The following ZNF26 variants were observed in gnomAD, a reference collection of about 807,000 sequenced individuals.
ZNF26 encodes zinc finger protein 26, also known as epididymis luminal protein 179.
A neutral mutation model predicts 54.9 loss-of-function variants in ZNF26; 32 were observed. The ratio of observed to expected loss-of-function variants is 0.58; its 90% CI spans 0.44 to 0.78. The LOEUF is 0.78. Ranked by LOEUF, ZNF26 falls within the 30% of genes least tolerant of loss-of-function variation. The pLI, the probability that ZNF26 is intolerant of heterozygous loss-of-function variation, is 0.00. For missense variants in ZNF26, 524 were observed against 634.0 expected (o/e 0.83, Z 1.86); for synonymous variants, 221 against 209.2 (o/e 1.06, Z -0.49).
At chr12:132,989,106 G>A (rs1259918051) in intron 1 of ZNF26, among the ~76,000 whole-genome samples, 2 of 129,168 alleles carry the variant, frequency 1.5e-5, no homozygotes, top group South Asian at 2.5e-4. Context: ...GCACAATCTC[G>A]GCTCACTGCA....
rs1953534600 is a variant in ZNF26 at position 133,014,424 on chromosome 12, G to GT, written c.*2944dup. On this transcript the variant is annotated 3_prime_UTR_variant, in exon 4 of 4. Coordinates refer to ENST00000328654, the MANE Select transcript of ZNF26 (RefSeq NM_019591.4). ...CTCAAAAAAAAAGTTGGGGGAGGGG[G>GT]TAGATACTTGTGAAATCCTTTGAGG... is the stretch of plus-strand genomic sequence containing the variant. 6.6e-6 allele frequency: 1 copy of GT among 152,648 alleles called. No homozygotes were observed. The highest frequency in any genetic ancestry group is 1.5e-5 in the Non-Finnish European group (1 of 68,524). 9.5% of individuals were successfully genotyped at this position (152,648 alleles called of 1,614,324 possible).
Position 132,993,150 on chromosome 12 carries a change from G to A in ZNF26, c.33+6277G>A, listed in dbSNP as rs1267395900. Among the ~76,000 whole-genome samples the A allele has an allele frequency of 2.0e-5, 3 of 150,376 alleles. No individual in the cohort carries two copies. In the East Asian group the frequency reaches 5.9e-4, roughly 30 times the overall value. ...AGCCATTCTTGTGCCTCAGCCTCCT[G>A]AGTAGCTGGGACTACAGGTGCGCAC... On this transcript the variant is annotated intron_variant, in intron 1 of 3. Transcript: ENST00000328654.
Position 132,986,749 on chromosome 12 carries a change from C to G in ZNF26, c.-92C>G. Reference sequence around the variant, plus strand: ...GGTCAGGAGCCTGGGGCCCTGGTCCCGCACCTGTCTTCGGGCGGACGCATC... The same window carrying G: ...GGTCAGGAGCCTGGGGCCCTGGTCCGGCACCTGTCTTCGGGCGGACGCATC... On this transcript the variant is annotated 5_prime_UTR_variant, in exon 1 of 4. Transcript: ENST00000328654. 2 of 1,428,738 alleles carry G rather than the reference C, an allele frequency of 1.4e-6. No homozygotes were observed. Among genetic ancestry groups the G allele is most frequent in the Non-Finnish European group, 1.9e-6 (2 of 1,044,608 alleles). The allele number at this position is 1,428,738 out of a possible 1,614,324, so 88.5% of individuals were successfully genotyped here.
Position 133,001,329 on chromosome 12 carries a change from G to T in ZNF26, c.34-5713G>T, listed in dbSNP as rs1953214704. Reference sequence around the variant, plus strand: ...AGCTCTTGTACCTCCCCTCATTCTAGCCTGCAGAGGGGAGATGGAGGAGGC... The same window carrying T: ...AGCTCTTGTACCTCCCCTCATTCTATCCTGCAGAGGGGAGATGGAGGAGGC... On this transcript the variant is annotated intron_variant, in intron 1 of 3. Transcript: ENST00000328654. The surrounding 1 kb of genome is among the most constrained non-coding windows in gnomAD (Gnocchi z 4.7). 6.6e-6 allele frequency among the ~76,000 whole-genome samples: 1 copy of T among 152,152 alleles called. No homozygotes were observed. Among genetic ancestry groups the T allele is most frequent in the East Asian group, 1.9e-4 (1 of 5,182 alleles).
At chr12:132,987,956 T>C (rs4758926) in intron 1 of ZNF26, among the ~76,000 whole-genome samples, 72,865 of 152,146 alleles carry the variant, frequency 0.48, 19,037 homozygotes, top group East Asian at 0.76. Flanking sequence ...CTATTTGTTG[T>C]TTCACTAATA....
intron 3 of ZNF26, among the ~76,000 whole-genome samples, chr12:133,008,085 C>A (rs1391496507): frequency 1.3e-5 from 2 of 152,114 alleles, no homozygotes; most frequent in African/African-American, 4.8e-5. Context: ...AAAGGCTCTT[C>A]CGTTCCGAAG....
chr12:132,993,782 T>C (rs2137219435), intron 1 of ZNF26, among the ~76,000 whole-genome samples: 1 of 152,248 alleles, frequency 6.6e-6, no homozygotes, highest in Non-Finnish European at 1.5e-5. Flanking sequence ...CCTTTTAGTA[T>C]TGCCTTGTCC....
chr12:133,021,197 C>A lies in ZNF26; in HGVS notation c.*9716C>A, dbSNP rs993695141. 1.9e-4 allele frequency: 29 copies of A among 150,312 alleles called. No individual in the cohort carries two copies. The highest frequency in any genetic ancestry group is 6.6e-4 in the African/African-American group (27 of 40,836). The allele number at this position is 150,312 out of a possible 1,614,324, so 9.3% of individuals were successfully genotyped here. On this transcript the variant is annotated 3_prime_UTR_variant, in exon 4 of 4. Coordinates refer to ENST00000328654, the MANE Select transcript of ZNF26 (RefSeq NM_019591.4). ...GCAGTGGCACCGTGTCGGCTCACTG[C>A]AACCTCTGCCTCCCGGGTTCAAGTG...
rs1953216409 is a variant in ZNF26, at chr12:133,001,403, C to T, written c.34-5639C>T. Among the ~76,000 whole-genome samples the T allele has an allele frequency of 6.6e-6, 1 of 152,168 alleles. No homozygotes were observed. The highest frequency in any genetic ancestry group is 1.9e-4 in the East Asian group (1 of 5,188). On this transcript the variant is annotated intron_variant, in intron 1 of 3. Transcript: ENST00000328654. This position sits in a 1 kb window ranked among gnomAD's most constrained non-coding sequence, Gnocchi z 4.7. ...ACTTGTTGCCCTCCGACGGGGGCTC[C>T]TTCTGGGTTGGGGTGGGAAAATCAG...
Position 132,986,589 on chromosome 12 carries a change from T to A in ZNF26, c.-252T>A, listed in dbSNP as rs937243316. ...CAGATCAGCCTCCTGCTCTCCCGAG[T>A]CAGGGCCACGGAAAGGCACAAATCC... is the stretch of plus-strand genomic sequence containing the variant. On this transcript the variant is annotated 5_prime_UTR_variant, in exon 1 of 4. Coordinates refer to ENST00000328654, the MANE Select transcript of ZNF26 (RefSeq NM_019591.4). 1.9e-5 allele frequency: 11 copies of A among 575,632 alleles called. No individual in the cohort carries two copies. The highest frequency in any genetic ancestry group is 3.4e-5 in the Non-Finnish European group (11 of 321,414). The allele number at this position is 575,632 out of a possible 1,614,324, so 35.7% of individuals were successfully genotyped here.
intron 1 of ZNF26, among the ~76,000 whole-genome samples, chr12:133,003,620 G>A (rs1953266104): frequency 6.6e-6 from 1 of 152,158 alleles, no homozygotes; most frequent in East Asian, 1.9e-4. Context: ...GGGTCTCAGA[G>A]GAGGATACTG....
chr12:132,993,094 G>A (rs1460630882), intron 1 of ZNF26, among the ~76,000 whole-genome samples: 1 of 147,616 alleles, frequency 6.8e-6, no homozygotes, highest in Non-Finnish European at 1.5e-5. Context: ...GTGCGATCTG[G>A]GCTCACTGCA....
chr12:133,006,323 C>T (rs1953326064), intron 1 of ZNF26: 3 of 984,850 alleles, frequency 3.0e-6, no homozygotes, highest in Non-Finnish European at 3.6e-6. Context: ...GTCCAAACAC[C>T]TCCTGAATTG....
Position 133,015,636 on chromosome 12 carries a change from T to C in ZNF26, c.*4155T>C, listed in dbSNP as rs1267592106. The C allele has an allele frequency of 6.6e-6, 1 of 152,112 alleles. No homozygotes were observed. Among genetic ancestry groups the C allele is most frequent in the Non-Finnish European group, 1.5e-5 (1 of 68,034 alleles). The allele number at this position is 152,112 out of a possible 1,614,324, so 9.4% of individuals were successfully genotyped here. ...GCCTGGATGACAGGGCAAGACCTCA[T>C]ATCTGTAAAAAGTAAAAATAAATAA... On this transcript the variant is annotated 3_prime_UTR_variant, in exon 4 of 4. Coordinates refer to ENST00000328654, the MANE Select transcript of ZNF26 (RefSeq NM_019591.4).
In ZNF26 at chr12:132,986,876, A is replaced by C; in HGVS notation, c.33+3A>C. ...GTTTCCGGACAGCTTCGTGCTGGGTAAGTAGAGACTTTCCGTGTTTAAAAT... is the reference window on the plus strand; with the variant it reads ...GTTTCCGGACAGCTTCGTGCTGGGTCAGTAGAGACTTTCCGTGTTTAAAAT... On this transcript the variant is annotated splice_donor_region_variant and intron_variant, in intron 1 of 3. Transcript: ENST00000328654. 1 of 1,606,106 alleles carries C rather than the reference A, an allele frequency of 6.2e-7. No homozygotes were observed. Among genetic ancestry groups the C allele is most frequent in the Non-Finnish European group, 8.5e-7 (1 of 1,176,346 alleles).
chr12:132,998,032 G>A (rs985569292), intron 1 of ZNF26, among the ~76,000 whole-genome samples: 4 of 152,144 alleles, frequency 2.6e-5, no homozygotes, highest in Admixed American at 1.3e-4. Flanking sequence ...AGAATAAATC[G>A]TAGCAGGACC....
At chr12:133,008,804 C>CCTGA (rs1953400954) in intron 3 of ZNF26, among the ~76,000 whole-genome samples, 3 of 149,088 alleles carry the variant, frequency 2.0e-5, no homozygotes, top group Non-Finnish European at 1.5e-5. Context: ...AAGAAAAACA[C>CCTGA]CTGAGACTAA....
At position 133,012,776 on chromosome 12, in the gene ZNF26, A is replaced by C. The variant is rs1406814211; in HGVS notation, c.*1295A>C. 1 of 151,248 alleles carries C rather than the reference A, an allele frequency of 6.6e-6. No individual in the cohort carries two copies. Among genetic ancestry groups the C allele is most frequent in the Non-Finnish European group, 1.5e-5 (1 of 67,854 alleles). 9.4% of individuals were successfully genotyped at this position (151,248 alleles called of 1,614,324 possible). A position where few individuals can be genotyped will look rare whatever the true frequency, so the allele number is the denominator to read the frequency against. On this transcript the variant is annotated 3_prime_UTR_variant, in exon 4 of 4. Coordinates refer to ENST00000328654, the MANE Select transcript of ZNF26 (RefSeq NM_019591.4). ...GTATTTTTAGTATAGACGGGGTTTCACCATGTTGGCCAGGCTGGTCTTGAA... is the reference window on the plus strand; with the variant it reads ...GTATTTTTAGTATAGACGGGGTTTCCCCATGTTGGCCAGGCTGGTCTTGAA...
intron 1 of ZNF26, among the ~76,000 whole-genome samples, chr12:132,995,888 G>T (rs1705904356): frequency 1.3e-5 from 2 of 152,150 alleles, no homozygotes; most frequent in Admixed American, 1.3e-4. Context: ...CTGGCCTCAG[G>T]TGATCCACCC....
Sources: gnomAD v4.1 joint callset for allele counts (sites outside exome capture counted in the v4.1 genomes callset) on GRCh38, gnomAD v4.1.1 for gene constraint, Gnocchi (gnomAD v3.1) non-coding constraint, MANE v1.5 for transcripts, NCBI Gene and HGNC (gene_info 2026-07-23, HGNC 2026-07-21) for gene names.